Variants in YARS1 observed in about 807,000 individuals in gnomAD.
YARS1 encodes tyrosyl-tRNA synthetase 1.
In YARS1, 36 loss-of-function variants were observed where a neutral mutation model predicts 62.2. That is an observed-to-expected ratio of 0.58 (90% CI 0.44 to 0.76). The LOEUF (loss-of-function observed/expected upper bound fraction) is 0.76. YARS1 is among the 30% of genes least tolerant of loss of function. The probability of loss-of-function intolerance (pLI) is 0.00; values close to 1 mark genes in which losing one functional copy is unlikely to be tolerated. For synonymous variants in YARS1, 234 were observed against 244.9 expected (o/e 0.96, Z 0.42); for missense variants, 524 against 639.8 (o/e 0.82, Z 1.95).
intron 5 of YARS1, among the ~76,000 whole-genome samples, chr1:32,792,901 T>TAA: frequency 6.8e-6 from 1 of 147,414 alleles, no homozygotes; most frequent in South Asian, 2.1e-4. Context: ...AAAATAAAAA[T>TAA]AAATAAATAA....
intron 3 of YARS1, 50 bp from the exon 4 acceptor site, chr1:32,806,661 A>T (rs1166493174): frequency 6.2e-7 from 1 of 1,613,398 alleles, no homozygotes; most frequent in African/African-American, 1.3e-5. Flanking sequence ...CCTAGGCCTC[A>T]GTTTCCTAGG....
chr1:32,809,293 G>A (rs1437695954), intron 3 of YARS1, among the ~76,000 whole-genome samples: 1 of 152,150 alleles, frequency 6.6e-6, no homozygotes, highest in Non-Finnish European at 1.5e-5. Context: ...TCGCCATGTT[G>A]GCTAGACTGG....
At position 32,805,237 on chromosome 1, in the gene YARS1, G is replaced by C. The variant is rs1318547494; in HGVS notation, c.510+1245C>G. 1.4e-4 allele frequency among the ~76,000 whole-genome samples: 13 copies of C among 93,246 alleles called. 1 individual carries two copies. Among genetic ancestry groups the C allele is most frequent in the Admixed American group, 1.3e-3 (13 of 9,728 alleles). The allele number at this position is 93,246 out of a possible 152,430, so 61.2% of individuals were successfully genotyped here. A position where few individuals can be genotyped will look rare whatever the true frequency, so the allele number is the denominator to read the frequency against. ...ACGGTGGAAAGGGGAGAGGGGGAGAGGGGGAGAGGGGGAGAGGGGGAGAGG... is the reference window on the plus strand; with the variant it reads ...ACGGTGGAAAGGGGAGAGGGGGAGACGGGGAGAGGGGGAGAGGGGGAGAGG... On this transcript the variant is annotated intron_variant, in intron 4 of 12. Transcript: ENST00000373477.
rs190590648 is a variant in YARS1 at position 32,776,389 on chromosome 1, C to T, written c.1477-298G>A. Among the ~76,000 whole-genome samples, 2 of 152,210 alleles carry T rather than the reference C, an allele frequency of 1.3e-5. No individual in the cohort carries two copies. The highest frequency in any genetic ancestry group is 2.4e-5 in the African/African-American group (1 of 41,544). The stretch of plus-strand genomic sequence containing the variant: ...CTTGAACTCCTGACCTCAAGTGATC[C>T]GCCTGCCTCGGCCTCCCAAAGTGTT... On this transcript the variant is annotated intron_variant, in intron 12 of 12. Coordinates refer to ENST00000373477, the MANE Select transcript of YARS1 (RefSeq NM_003680.4). This position sits in a 1 kb window ranked among gnomAD's most constrained non-coding sequence, Gnocchi z 4.0.
intron 6 of YARS1, chr1:32,790,684 G>A (rs1653388125): frequency 6.4e-6 from 1 of 155,240 alleles, no homozygotes; most frequent in Non-Finnish European, 1.4e-5. Flanking sequence ...GGTAAGCCAT[G>A]TTTGGGAACC....
Position 32,797,054 on chromosome 1 carries a change from A to C in YARS1, c.591+709T>G, listed in dbSNP as rs1443285905. ...TATATATATATATATATATATAGTA[A>C]GCATTTCTGTATTCATTAACTATAT... On this transcript the variant is annotated intron_variant, in intron 5 of 12. Coordinates refer to ENST00000373477, the MANE Select transcript of YARS1 (RefSeq NM_003680.4). Among the ~76,000 whole-genome samples, 7 of 103,986 alleles carry C rather than the reference A, an allele frequency of 6.7e-5. No individual in the cohort carries two copies. In the South Asian group the frequency reaches 2.2e-3, roughly 33 times the overall value. 68.2% of individuals were successfully genotyped at this position (103,986 alleles called of 152,430 possible).
Position 32,776,439 on chromosome 1 carries a change from G to A in YARS1, c.1477-348C>T, listed in dbSNP as rs910331689. On this transcript the variant is annotated intron_variant, in intron 12 of 12. Transcript: ENST00000373477. This position sits in a 1 kb window ranked among gnomAD's most constrained non-coding sequence, Gnocchi z 4.0. ...TGGGATTACAGGCGTGAGCCACTGC[G>A]CCCAGCCTGAAAACTCTCTTATATA... Among the ~76,000 whole-genome samples, 1 of 152,134 alleles carries A rather than the reference G, an allele frequency of 6.6e-6. No homozygotes were observed. Among genetic ancestry groups the A allele is most frequent in the African/African-American group, 2.4e-5 (1 of 41,438 alleles).
At chr1:32,784,251 G>A (rs1193133100) in intron 8 of YARS1, among the ~76,000 whole-genome samples, 1 of 150,858 alleles carries the variant, frequency 6.6e-6, no homozygotes, top group East Asian at 1.9e-4. Context: ...CTGAGCTCAA[G>A]CAATTCTCCT....
chr1:32,816,891 A>T, intron 1 of YARS1: 1 of 564,794 alleles, frequency 1.8e-6, no homozygotes, highest in African/African-American at 1.9e-5. Flanking sequence ...ATCCCCAGCG[A>T]CTAAGCACCA....
Position 32,780,197 on chromosome 1 carries a change from G to A in YARS1, c.1222C>T (p.Gln408Ter), listed in dbSNP as rs569727346. The A allele has an allele frequency of 1.9e-6, 3 of 1,614,152 alleles. No individual in the cohort carries two copies. The highest frequency in any genetic ancestry group is 4.5e-5 in the East Asian group (2 of 44,876). The change falls in exon 11 of 13, where the codon CAG (glutamine) becomes TAG (stop). Residue 408 changes from glutamine (Q) to a stop codon, truncating the protein, a stop_gained. Transcript: ENST00000373477. LOFTEE classifies it high-confidence loss of function. ...EPRTVVSGLVQFVPKEELQDR... is the reference protein window; with the variant it reads ...EPRTVVSGLV ...TGCAGTTCCTCCTTGGGCACGAACTGTACCAGGCCGCTCACCACAGTCCGT... is the reference window on the plus strand; with the variant it reads ...TGCAGTTCCTCCTTGGGCACGAACTATACCAGGCCGCTCACCACAGTCCGT...
At chr1:32,789,500 C>G (rs1447600110) in intron 6 of YARS1, among the ~76,000 whole-genome samples, 2 of 151,952 alleles carry the variant, frequency 1.3e-5, no homozygotes, top group Non-Finnish European at 2.9e-5. Flanking sequence ...TTACCAAATT[C>G]TAGCTCACAT....
Position 32,780,268 on chromosome 1 carries a change from G to C in YARS1, c.1151C>G (p.Ala384Gly). 3 of 1,614,112 alleles carry C rather than the reference G, an allele frequency of 1.9e-6. No individual in the cohort carries two copies. Among genetic ancestry groups the C allele is most frequent in the East Asian group, 2.2e-5 (1 of 44,886 alleles). The part of the protein sequence containing the change: ...KIITVEKHPD[A>G]DSLYVEKIDV... Reference sequence around the variant, plus strand: ...AATCTTCTCTACATACAGGCTGTCTGCATCTGGGTGCTGCCAGGGAGAGAC... The same window carrying C: ...AATCTTCTCTACATACAGGCTGTCTCCATCTGGGTGCTGCCAGGGAGAGAC... The change falls in exon 11 of 13, where the codon GCA becomes GGA. Residue 384 changes from alanine (A) to glycine (G), a missense_variant. By Grantham distance (60) the Ala-to-Gly change is moderately conservative. Transcript: ENST00000373477.
chr1:32,802,897 C>T lies in YARS1; in HGVS notation c.510+3585G>A, dbSNP rs974432947. 2.6e-5 allele frequency among the ~76,000 whole-genome samples: 4 copies of T among 151,820 alleles called. No homozygotes were observed. The East Asian group carries it at 7.7e-4, about 29-fold the overall frequency. ...GTGTGATCTCACCTCACTGCAATCT[C>T]TGCCTCCTGGGTATAAGTGATTCTC... is the stretch of plus-strand genomic sequence containing the variant. On this transcript the variant is annotated intron_variant, in intron 4 of 12. Transcript: ENST00000373477.
At chr1:32,793,769 G>C (rs1002867197) in intron 5 of YARS1, among the ~76,000 whole-genome samples, 2 of 152,192 alleles carry the variant, frequency 1.3e-5, no homozygotes, top group African/African-American at 4.8e-5. Flanking sequence ...CTTTTCAGTC[G>C]AAACTATGGA....
intron 4 of YARS1, among the ~76,000 whole-genome samples, chr1:32,802,920 C>T (rs1638335167): frequency 6.6e-6 from 1 of 151,386 alleles, no homozygotes; most frequent in East Asian, 1.9e-4. Context: ...ATAAGTGATT[C>T]TCCTGCCTCA....
At chr1:32,808,441 A>C (rs779658821) in intron 3 of YARS1, among the ~76,000 whole-genome samples, 7 of 141,158 alleles carry the variant, frequency 5.0e-5, no homozygotes, top group Non-Finnish European at 7.7e-5. Flanking sequence ...CTGGTCTTGA[A>C]CTCCTGACCT....
intron 7 of YARS1, 193 bp from the exon 8 acceptor site, chr1:32,786,640 G>A: frequency 1.4e-6 from 1 of 726,318 alleles, no homozygotes; most frequent in Non-Finnish European, 2.3e-6. Flanking sequence ...CTGCTTCAGG[G>A]GAAGGCTTGT....
intron 9 of YARS1, 39 bp from the exon 10 acceptor site, chr1:32,781,184 C>T: frequency 6.4e-7 from 1 of 1,552,712 alleles, no homozygotes; most frequent in African/African-American, 1.4e-5. Flanking sequence ...GAATTCTTCC[C>T]TGTGGCAGGT....
At chr1:32,779,251 A>G in intron 12 of YARS1, 131 bp downstream of exon 12, 4 of 1,467,556 alleles carry the variant, frequency 2.7e-6, no homozygotes, top group South Asian at 1.2e-5. Flanking sequence ...GTCTGGAAAG[A>G]AGGAGGGAGA....
Sources: allele counts gnomAD v4.1 joint callset (sites outside exome capture counted in the v4.1 genomes callset), GRCh38; gene constraint gnomAD v4.1.1; non-coding constraint Gnocchi (gnomAD v3.1); transcripts MANE v1.5; gene names NCBI Gene and HGNC (gene_info 2026-07-23, HGNC 2026-07-21).